The following PTPRD variants were observed in gnomAD, a reference collection of about 807,000 sequenced individuals.
PTPRD encodes the protein protein tyrosine phosphatase receptor type D, also known as receptor-type tyrosine-protein phosphatase delta.
In PTPRD, 34 loss-of-function variants were observed where a neutral mutation model predicts 214.5. The observed-to-expected ratio is 0.16, with a 90% CI of 0.12 to 0.21. The LOEUF (loss-of-function observed/expected upper bound fraction) is 0.21, where lower values mean the gene tolerates loss of function less well. PTPRD is among the 10% of genes least tolerant of loss of function. The pLI is 1.00. For synonymous variants in PTPRD, 1,128 were observed against 845.7 expected, an observed-to-expected ratio of 1.33 and a Z score of -5.79; for missense variants, 2,545 against 2,398.7, an observed-to-expected ratio of 1.06 and a Z score of -1.27.
intron 3 of PTPRD, among the ~76,000 whole-genome samples, chr9:10,199,857 A>T (rs144183782): frequency 6.6e-6 from 1 of 151,832 alleles, no homozygotes; most frequent in African/African-American, 2.4e-5. Context: ...GATGGAGGCA[A>T]TACCAACATA....
chr9:9,224,528 T>C (rs2133522813), intron 9 of PTPRD, among the ~76,000 whole-genome samples: 1 of 152,122 alleles, frequency 6.6e-6, no homozygotes, highest in East Asian at 1.9e-4. Context: ...ATCTCTGCTC[T>C]AGTTTAGATA....
In PTPRD at chr9:9,849,863, G is replaced by T. The variant is rs181639850; in HGVS notation, c.-367-83012C>A. On this transcript the variant is annotated intron_variant, in intron 5 of 45. Coordinates refer to ENST00000381196, the MANE Select transcript of PTPRD (RefSeq NM_002839.4). ...AAAACATTGAAACTGTAGTAGTTAG[G>T]TACACTTTAGGGATTAACATAGTAA... Among the ~76,000 whole-genome samples the T allele has an allele frequency of 7.9e-5, 12 of 152,162 alleles. No homozygotes were observed. In the East Asian group the frequency reaches 2.3e-3, roughly 29 times the overall value.
chr9:8,743,652 G>C (rs114136459), intron 11 of PTPRD, among the ~76,000 whole-genome samples: 2 of 151,968 alleles, frequency 1.3e-5, no homozygotes, highest in African/African-American at 4.8e-5. Flanking sequence ...AACAATTCTA[G>C]AAGATAACAT....
intron 8 of PTPRD, among the ~76,000 whole-genome samples, chr9:9,471,679 G>T (rs995494195): frequency 1.3e-5 from 2 of 151,874 alleles, no homozygotes; most frequent in Non-Finnish European, 2.9e-5. Context: ...GAGATGTATT[G>T]CTCTCATGTA....
intron 12 of PTPRD, among the ~76,000 whole-genome samples, chr9:8,657,814 G>C (rs1034105773): frequency 1.3e-5 from 2 of 152,108 alleles, no homozygotes; most frequent in Non-Finnish European, 2.9e-5. Context: ...AAGGCACACA[G>C]TAGTCTCTCA....
At chr9:9,697,706 A>AT in intron 7 of PTPRD, among the ~76,000 whole-genome samples, 1 of 152,068 alleles carries the variant, frequency 6.6e-6, no homozygotes, top group Non-Finnish European at 1.5e-5. Context: ...TGACCTGCAT[A>AT]TTTATATAGT....
At chr9:9,150,147 C>T (rs1441267449) in intron 10 of PTPRD, among the ~76,000 whole-genome samples, 1 of 152,026 alleles carries the variant, frequency 6.6e-6, no homozygotes, top group Non-Finnish European at 1.5e-5. Flanking sequence ...TTCTGTAATG[C>T]CTAGCCATAA....
At chr9:9,751,483 G>T (rs919360439) in intron 6 of PTPRD, among the ~76,000 whole-genome samples, 36 of 152,022 alleles carry the variant, frequency 2.4e-4, no homozygotes, top group Non-Finnish European at 4.0e-4. Flanking sequence ...CCTCAAAAAA[G>T]GTGTGTCTGA....
intron 7 of PTPRD, among the ~76,000 whole-genome samples, chr9:9,630,866 G>A (rs1301844841): frequency 6.6e-6 from 1 of 152,130 alleles, no homozygotes; most frequent in Non-Finnish European, 1.5e-5. Context: ...GTACTTATAT[G>A]TAAAAGATGT....
At chr9:9,841,574 C>T (rs1366084124) in intron 5 of PTPRD, among the ~76,000 whole-genome samples, 2 of 152,038 alleles carry the variant, frequency 1.3e-5, no homozygotes, top group Non-Finnish European at 2.9e-5. Context: ...ATGGACCTAG[C>T]GATAGAACGG....
chr9:9,381,368 T>A (rs1265591989), intron 9 of PTPRD, among the ~76,000 whole-genome samples: 1 of 140,750 alleles, frequency 7.1e-6, no homozygotes, highest in African/African-American at 2.7e-5. Context: ...GCTTTTTTTT[T>A]TTATTTTTTT....
intron 14 of PTPRD, among the ~76,000 whole-genome samples, chr9:8,533,372 G>A (rs1215267783): frequency 2.0e-5 from 3 of 151,894 alleles, no homozygotes; most frequent in Non-Finnish European, 2.9e-5. Context: ...ATGGTATTGG[G>A]AAAAATCCCA....
rs759289253 is a variant in PTPRD, at chr9:9,419,158, C to CAA, written c.-236-21677_-236-21676insTT. ...ACACACACACACACACACACACACA[C>CAA]ACACACAAGCATGATATATATATAT... On this transcript the variant is annotated intron_variant, in intron 8 of 45. Coordinates refer to ENST00000381196, the MANE Select transcript of PTPRD (RefSeq NM_002839.4). Among the ~76,000 whole-genome samples the CAA allele has an allele frequency of 1.8e-3, 266 of 150,996 alleles. 3 individuals are homozygous for CAA. Among genetic ancestry groups the CAA allele is most frequent in the South Asian group, 2.9e-3 (14 of 4,762 alleles).
At chr9:9,044,491 G>A (rs923760890) in intron 10 of PTPRD, among the ~76,000 whole-genome samples, 1 of 152,330 alleles carries the variant, frequency 6.6e-6, no homozygotes, top group South Asian at 2.1e-4. Context: ...CCATAGATGT[G>A]TTGGTTGCTT....
chr9:10,449,241 G>C (rs534405023), intron 2 of PTPRD, among the ~76,000 whole-genome samples: 1 of 151,876 alleles, frequency 6.6e-6, no homozygotes, highest in Non-Finnish European at 1.5e-5. Flanking sequence ...AGGTTTCGCC[G>C]CGTTGGCCGG....
chr9:8,489,703 G>A (rs1563771533), intron 27 of PTPRD, among the ~76,000 whole-genome samples: 1 of 152,148 alleles, frequency 6.6e-6, no homozygotes, highest in Non-Finnish European at 1.5e-5. Flanking sequence ...ATTTTATCCA[G>A]GGAATCAGGA....
At position 9,496,816 on chromosome 9, in the gene PTPRD, A is replaced by G. The variant is rs964698536; in HGVS notation, c.-237+77916T>C. Among the ~76,000 whole-genome samples the G allele has an allele frequency of 1.9e-4, 29 of 152,230 alleles. 1 individual carries two copies. On this transcript the variant is annotated intron_variant, in intron 8 of 45. Transcript: ENST00000381196. ...CATTTATACACCCATGTTTAGTGGCATTATTCACAGTAGCTAAAATGTGGC... is the reference window on the plus strand; with the variant it reads ...CATTTATACACCCATGTTTAGTGGCGTTATTCACAGTAGCTAAAATGTGGC...
chr9:9,569,561 T>TC (rs2085704862), intron 8 of PTPRD, among the ~76,000 whole-genome samples: 1 of 151,618 alleles, frequency 6.6e-6, no homozygotes, highest in Non-Finnish European at 1.5e-5. Context: ...TCTTTTTTTT[T>TC]CCCTAACACT....
intron 2 of PTPRD, among the ~76,000 whole-genome samples, chr9:10,539,877 G>C (rs1246298002): frequency 6.6e-6 from 1 of 152,100 alleles, no homozygotes; most frequent in Non-Finnish European, 1.5e-5. Context: ...TTTTAGGTGA[G>C]GGGCCCATCT....
Sources: allele counts gnomAD v4.1 joint callset (sites outside exome capture counted in the v4.1 genomes callset), GRCh38; gene constraint gnomAD v4.1.1; transcripts MANE v1.5; gene names NCBI Gene and HGNC (gene_info 2026-07-23, HGNC 2026-07-21).